Variants in VAX1 observed in about 807,000 individuals in gnomAD.
VAX1 encodes ventral anterior homeobox 1.
In VAX1, 6 loss-of-function variants were observed where a neutral mutation model predicts 17.6. That is an observed-to-expected ratio of 0.34 (90% CI 0.19 to 0.67). VAX1 has a LOEUF of 0.67. VAX1 is among the 30% of genes least tolerant of loss of function. VAX1 has a pLI of 0.69. For missense variants in VAX1, 408 were observed against 463.7 expected (o/e 0.88, Z 1.10); for synonymous variants, 256 against 227.4 (o/e 1.13, Z -1.13).
chr10:117,133,671 GC>G lies in VAX1; in HGVS notation c.*336del. 10 of 1,041,760 alleles carry G rather than the reference GC, an allele frequency of 9.6e-6. No individual in the cohort carries two copies. The highest frequency in any genetic ancestry group is 1.2e-5 in the Non-Finnish European group (10 of 867,598). 64.5% of individuals were successfully genotyped at this position (1,041,760 alleles called of 1,614,324 possible). A position where few individuals can be genotyped will look rare whatever the true frequency, so the allele number is the denominator to read the frequency against. On this transcript the variant is annotated 3_prime_UTR_variant, in exon 3 of 3. Transcript: ENST00000369206. ...CGCGGATCTAGAGCAAACGTCCTGT[GC>G]TTTGGAGTTAGAACCAGTCTTTTCC...
In VAX1 at chr10:117,136,691, C is replaced by T; in HGVS notation, c.242-32G>A. The T allele has an allele frequency of 1.3e-6, 2 of 1,589,364 alleles. No homozygotes were observed. The highest frequency in any genetic ancestry group is 2.2e-5 in the South Asian group (2 of 89,368). On this transcript the variant is annotated intron_variant, in intron 1 of 2. Transcript: ENST00000369206. The surrounding 1 kb of genome is among the most constrained non-coding windows in gnomAD (Gnocchi z 5.0). The stretch of plus-strand genomic sequence containing the variant: ...AAGGGGAGATGTCAGCCGCCAGAAC[C>T]CTCCCGTCCCCCTCCACCTCCTTGG...
rs746895639 is a variant in VAX1 at position 117,136,268 on chromosome 10, T to C, written c.429+204A>G. ...GGATAAAACATGGGCCCTGGAGGAT[T>C]TGGGGATGGCAGGAATGGTGGGGGG... On this transcript the variant is annotated intron_variant, in intron 2 of 2. Transcript: ENST00000369206. This position sits in a 1 kb window ranked among gnomAD's most constrained non-coding sequence, Gnocchi z 5.0. 2.0e-5 allele frequency among the ~76,000 whole-genome samples: 3 copies of C among 152,176 alleles called. No homozygotes were observed. Among genetic ancestry groups the C allele is most frequent in the Non-Finnish European group, 1.5e-5 (1 of 68,028 alleles).
downstream of VAX1, chr10:117,131,999 G>C (rs1261730208): frequency 1.8e-6 from 1 of 556,988 alleles, no homozygotes; most frequent in Non-Finnish European, 3.1e-6. Flanking sequence ...CCAGAGATGA[G>C]TTCCTAAATA....
Position 117,134,445 on chromosome 10 carries a change from GCGA to G in VAX1, c.565_567del (p.Ser189del). On this transcript the variant is annotated inframe_deletion, in exon 3 of 3. Transcript: ENST00000369206. The surrounding 1 kb of genome is among the most constrained non-coding windows in gnomAD (Gnocchi z 6.2). ...GGCAGCAGCGCAGGCAGGCCGGGCG[GCGA>G]CAACAGGCGGCCCTGCTCCAGCAGC... 9.9e-6 allele frequency: 15 copies of G among 1,509,514 alleles called. No homozygotes were observed. Among genetic ancestry groups the G allele is most frequent in the Non-Finnish European group, 1.3e-5 (15 of 1,135,214 alleles). 93.5% of individuals were successfully genotyped at this position (1,509,514 alleles called of 1,614,324 possible).
downstream of VAX1, chr10:117,129,647 G>GGTGT (rs60617895): frequency 0.086 from 12,536 of 146,456 alleles, 794 homozygotes; most frequent in East Asian, 0.18. Context: ...TTCAAGAAGG[G>GGTGT]GTGTGTGTGT....
At chr10:117,130,324 A>T (rs1281750216), downstream of VAX1, 1 of 152,266 alleles carries the variant, frequency 6.6e-6, no homozygotes, top group Non-Finnish European at 1.5e-5. Flanking sequence ...GGTTAGACCA[A>T]CTGCAAGTGT....
downstream of VAX1, chr10:117,132,477 C>T: frequency 6.2e-7 from 1 of 1,603,308 alleles, no homozygotes; most frequent in Non-Finnish European, 8.5e-7. This position sits in a 1 kb window ranked among gnomAD's most constrained non-coding sequence, Gnocchi z 4.9. Flanking sequence ...TCACTATTTG[C>T]CTAGAAAAAA....
Position 117,138,249 on chromosome 10 carries a change from G to C in VAX1, c.-193C>G, listed in dbSNP as rs201928731. ...CGGGGAGGCTTCGGCGGCCGCGCGC[G>C]GGTCAGCGGCGACGGGAGAGTGGCG... On this transcript the variant is annotated 5_prime_UTR_variant, in exon 1 of 3. Coordinates refer to ENST00000369206, the MANE Select transcript of VAX1 (RefSeq NM_001112704.2). The C allele has an allele frequency of 8.5e-6, 6 of 702,304 alleles. No homozygotes were observed. The highest frequency in any genetic ancestry group is 5.8e-5 in the South Asian group (3 of 52,166). 43.5% of individuals were successfully genotyped at this position (702,304 alleles called of 1,614,324 possible).
At chr10:117,131,868 G>A, downstream of VAX1, 1 of 276,398 alleles carries the variant, frequency 3.6e-6, no homozygotes, top group Non-Finnish European at 6.6e-6. Flanking sequence ...TAAGTCAGAA[G>A]AAAATAAAAC....
chr10:117,135,686 G>A (rs1854165417), intron 2 of VAX1, among the ~76,000 whole-genome samples: 1 of 152,244 alleles, frequency 6.6e-6, no homozygotes, highest in Admixed American at 6.5e-5. Context: ...AGGCCAAGCT[G>A]GTGACATGCC....
At position 117,137,826 on chromosome 10, in the gene VAX1, G is replaced by A. The variant is rs1854209806; in HGVS notation, c.231C>T (p.Ile77=). Residue 77 remains isoleucine, a synonymous_variant, in exon 1 of 3, where the codon ATC becomes ATT. Coordinates refer to ENST00000369206, the MANE Select transcript of VAX1 (RefSeq NM_001112704.2). This position sits in a 1 kb window ranked among gnomAD's most constrained non-coding sequence, Gnocchi z 7.4. ...CCTGCCCATCCCTACCTCGGACCAG[G>A]ATCCGGCGGCAGTAATCCGGGTCCG... ...SAADPDYCRR[I]LVRDAKGSIR... The A allele has an allele frequency of 6.2e-7, 1 of 1,612,442 alleles. No homozygotes were observed.
At position 117,137,807 on chromosome 10, in the gene VAX1, C is replaced by T. The variant is rs769485318; in HGVS notation, c.241+9G>A. 6.2e-7 allele frequency: 1 copy of T among 1,611,534 alleles called. No homozygotes were observed. The highest frequency in any genetic ancestry group is 8.5e-7 in the Non-Finnish European group (1 of 1,179,922). ...AAAGAACGCGCCTGGCAGCCCTGCC[C>T]ATCCCTACCTCGGACCAGGATCCGG... On this transcript the variant is annotated intron_variant, in intron 1 of 2. Coordinates refer to ENST00000369206, the MANE Select transcript of VAX1 (RefSeq NM_001112704.2). This position sits in a 1 kb window ranked among gnomAD's most constrained non-coding sequence, Gnocchi z 7.4.
downstream of VAX1, chr10:117,132,008 T>C: frequency 1.8e-6 from 1 of 564,878 alleles, no homozygotes; most frequent in Non-Finnish European, 3.1e-6. This position sits in a 1 kb window ranked among gnomAD's most constrained non-coding sequence, Gnocchi z 4.9. Flanking sequence ...AGTTCCTAAA[T>C]AAACTAAGAA....
In VAX1 at chr10:117,134,995, T is replaced by G. The variant is rs1589946645; in HGVS notation, c.430-412A>C. ...ATTTCCGGTGGAGGGTGTGAGGCCC[T>G]AGGGTGCGGGTGCGGTGAAGGAAGA... is the stretch of plus-strand genomic sequence containing the variant. On this transcript the variant is annotated intron_variant, in intron 2 of 2. Coordinates refer to ENST00000369206, the MANE Select transcript of VAX1 (RefSeq NM_001112704.2). The surrounding 1 kb of genome is among the most constrained non-coding windows in gnomAD (Gnocchi z 6.2). 6.6e-6 allele frequency among the ~76,000 whole-genome samples: 1 copy of G among 151,932 alleles called. No individual in the cohort carries two copies. The highest frequency in any genetic ancestry group is 1.9e-4 in the East Asian group (1 of 5,152).
rs1854126399 is a variant in VAX1 at position 117,133,901 on chromosome 10, T to C, written c.*107A>G. The C allele has an allele frequency of 7.1e-7, 1 of 1,413,498 alleles. No homozygotes were observed. The highest frequency in any genetic ancestry group is 9.2e-7 in the Non-Finnish European group (1 of 1,090,560). The allele number at this position is 1,413,498 out of a possible 1,614,324, so 87.6% of individuals were successfully genotyped here. A position where few individuals can be genotyped will look rare whatever the true frequency, so the allele number is the denominator to read the frequency against. ...GAAAGGAGAGCTGTCAGAGGCCTGGTGGGAGCCAGGAGCCCAGCGCAGGAG... is the reference window on the plus strand; with the variant it reads ...GAAAGGAGAGCTGTCAGAGGCCTGGCGGGAGCCAGGAGCCCAGCGCAGGAG... On this transcript the variant is annotated 3_prime_UTR_variant, in exon 3 of 3. Coordinates refer to ENST00000369206, the MANE Select transcript of VAX1 (RefSeq NM_001112704.2).
At position 117,137,212 on chromosome 10, in the gene VAX1, C is replaced by G. The variant is rs1854195038; in HGVS notation, c.242-553G>C. 1.3e-5 allele frequency among the ~76,000 whole-genome samples: 2 copies of G among 152,102 alleles called. No homozygotes were observed. Among genetic ancestry groups the G allele is most frequent in the African/African-American group, 2.4e-5 (1 of 41,462 alleles). On this transcript the variant is annotated intron_variant, in intron 1 of 2. Transcript: ENST00000369206. The surrounding 1 kb of genome is among the most constrained non-coding windows in gnomAD (Gnocchi z 7.4). ...GGCCCGGCCTCGCAGCCTCCGCCGC[C>G]GGGGCTAAGTGCACGCCGCGCCATC... is the stretch of plus-strand genomic sequence containing the variant.
At chr10:117,132,623 C>G, downstream of VAX1, 3 of 984,040 alleles carry the variant, frequency 3.0e-6, no homozygotes, top group Non-Finnish European at 4.4e-6. The surrounding 1 kb of genome is among the most constrained non-coding windows in gnomAD (Gnocchi z 4.9). Context: ...CAGTCTGGGT[C>G]TGTGATTTTG....
Position 117,138,093 on chromosome 10 carries a change from A to G in VAX1, c.-37T>C. The G allele has an allele frequency of 1.7e-6, 1 of 603,380 alleles. No homozygotes were observed. The highest frequency in any genetic ancestry group is 2.5e-6 in the Non-Finnish European group (1 of 403,872). The allele number at this position is 603,380 out of a possible 1,614,324, so 37.4% of individuals were successfully genotyped here. On this transcript the variant is annotated 5_prime_UTR_variant, in exon 1 of 3. Transcript: ENST00000369206. Reference sequence around the variant, plus strand: ...ACAACAAAAACAGAAAGGAAAAAAAAAGCAAAAAAAAAAAAAAGGGGGGGG... The same window carrying G: ...ACAACAAAAACAGAAAGGAAAAAAAGAGCAAAAAAAAAAAAAAGGGGGGGG...
chr10:117,133,250 T>C, downstream of VAX1: 1 of 980,980 alleles, frequency 1.0e-6, no homozygotes, highest in African/African-American at 1.7e-5. Flanking sequence ...CCTTCCAAAT[T>C]TCATCATTGG....
Sources: allele counts gnomAD v4.1 joint callset (sites outside exome capture counted in the v4.1 genomes callset), GRCh38; gene constraint gnomAD v4.1.1; non-coding constraint Gnocchi (gnomAD v3.1); transcripts MANE v1.5; gene names NCBI Gene and HGNC (gene_info 2026-07-23, HGNC 2026-07-21).